Variants in CENPP observed in about 807,000 individuals in gnomAD.
CENPP encodes the protein centromere protein P.
Under a neutral mutation model 35.6 loss-of-function variants are expected in CENPP, and 24 were observed. That is an observed-to-expected ratio of 0.67 (90% CI 0.49 to 0.95). The LOEUF (loss-of-function observed/expected upper bound fraction) is 0.95, where lower values mean the gene tolerates loss of function less well. CENPP is among the 40% of genes least tolerant of loss of function. CENPP has a pLI of 0.00. For synonymous variants in CENPP, 120 were observed against 125.5 expected (o/e 0.96, Z 0.29); for missense variants, 332 against 345.3 (o/e 0.96, Z 0.31).
At chr9:92,479,717 A>C (rs1845844714) in intron 5 of CENPP, among the ~76,000 whole-genome samples, 2 of 152,202 alleles carry the variant, frequency 1.3e-5, no homozygotes, top group African/African-American at 4.8e-5. Flanking sequence ...TTTTACAATT[A>C]ATCTAATCTT....
intron 5 of CENPP, among the ~76,000 whole-genome samples, chr9:92,608,383 G>A (rs1164571269): frequency 2.0e-5 from 3 of 152,056 alleles, no homozygotes; most frequent in African/African-American, 2.4e-5. Context: ...GAAAATATAC[G>A]GTACATACCT....
At chr9:92,512,228 G>C in intron 5 of CENPP, 1 of 646,266 alleles carries the variant, frequency 1.5e-6, no homozygotes, top group Non-Finnish European at 2.6e-6. Context: ...AGCTTTGTCT[G>C]GAGGAGAAAG....
intron 5 of CENPP, chr9:92,600,218 A>T (rs1308594525): frequency 8.0e-6 from 10 of 1,242,722 alleles, no homozygotes; most frequent in Non-Finnish European, 1.0e-5. Flanking sequence ...GGTTCCATAC[A>T]AGAACAGAAG....
At chr9:92,395,405 A>G (rs932461767) in intron 5 of CENPP, among the ~76,000 whole-genome samples, 5 of 152,198 alleles carry the variant, frequency 3.3e-5, no homozygotes, top group African/African-American at 1.2e-4. Context: ...GTCTCAATAT[A>G]TACAATTTAC....
intron 5 of CENPP, among the ~76,000 whole-genome samples, chr9:92,525,218 TGAGGCAG>T (rs1848317098): frequency 6.6e-6 from 1 of 151,780 alleles, no homozygotes; most frequent in Non-Finnish European, 1.5e-5. Context: ...CTCAGGAGGC[TGAGGCAG>T]GAGGCTCACT....
chr9:92,370,474 ATTGTTTTTTTG>A (rs144061967), intron 4 of CENPP, among the ~76,000 whole-genome samples: 254 of 151,068 alleles, frequency 1.7e-3, no homozygotes, highest in Admixed American at 3.5e-3. Context: ...TAGACTTTTT[ATTGTTTTTTTG>A]TTGTTTTTTT....
intron 1 of CENPP, among the ~76,000 whole-genome samples, chr9:92,326,342 C>A (rs537819795): frequency 1.3e-5 from 2 of 152,304 alleles, no homozygotes; most frequent in South Asian, 4.1e-4. Context: ...GGATGACTGA[C>A]AAGGAGGAAG....
At chr9:92,341,088 G>GAACC (rs1249297443) in intron 3 of CENPP, among the ~76,000 whole-genome samples, 1 of 152,102 alleles carries the variant, frequency 6.6e-6, no homozygotes, top group East Asian at 1.9e-4. Context: ...GTCTCTTATG[G>GAACC]TTGAGACTGC....
chr9:92,351,787 G>T (rs1467415257), intron 4 of CENPP, among the ~76,000 whole-genome samples: 1 of 151,778 alleles, frequency 6.6e-6, no homozygotes, highest in African/African-American at 2.4e-5. Context: ...ACCATGCCCA[G>T]CTAATTTTTA....
At chr9:92,533,316 A>ATATATATATAT (rs1848936762) in intron 5 of CENPP, among the ~76,000 whole-genome samples, 1 of 97,174 alleles carries the variant, frequency 1.0e-5, no homozygotes, top group African/African-American at 4.2e-5. Context: ...AAAAAAAAAA[A>ATATATATATAT]AAAAAAAAAA....
At chr9:92,549,732 A>G (rs988809190) in intron 5 of CENPP, among the ~76,000 whole-genome samples, 13 of 152,132 alleles carry the variant, frequency 8.5e-5, no homozygotes, top group South Asian at 2.1e-4. Context: ...CGGATTAGAT[A>G]TCATTTTATC....
At chr9:92,574,057 G>A (rs972949815) in intron 5 of CENPP, among the ~76,000 whole-genome samples, 4 of 152,094 alleles carry the variant, frequency 2.6e-5, no homozygotes, top group Non-Finnish European at 4.4e-5. Context: ...CAGGTGAGGC[G>A]ATGCCCCACC....
chr9:92,577,018 G>A (rs1850299337), intron 5 of CENPP, among the ~76,000 whole-genome samples: 1 of 152,094 alleles, frequency 6.6e-6, no homozygotes, highest in Admixed American at 6.5e-5. Flanking sequence ...CTACCAGAAT[G>A]GTGGGTATTA....
At chr9:92,488,139 G>A (rs1184545696) in intron 5 of CENPP, among the ~76,000 whole-genome samples, 1 of 152,092 alleles carries the variant, frequency 6.6e-6, no homozygotes, top group African/African-American at 2.4e-5. Context: ...GGTTTATCAG[G>A]GTGTAACCCA....
chr9:92,565,293 T>TAAAAA (rs3078380), intron 5 of CENPP, among the ~76,000 whole-genome samples: 1,422 of 33,126 alleles, frequency 0.043, 178 homozygotes, highest in East Asian at 0.15. Context: ...GCTGATGAGC[T>TAAAAA]AAAAAAAAAA....
At chr9:92,456,376 G>A (rs1844878993) in intron 5 of CENPP, 1 of 152,368 alleles carries the variant, frequency 6.6e-6, no homozygotes. Flanking sequence ...GTGTTTCTCA[G>A]AGTTATCCAG....
chr9:92,556,483 A>G (rs529662421), intron 5 of CENPP, among the ~76,000 whole-genome samples: 1 of 152,308 alleles, frequency 6.6e-6, no homozygotes, highest in East Asian at 1.9e-4. Context: ...TCTTAGGTCT[A>G]TTAATAATTG....
chr9:92,408,757 C>G (rs1198384934), intron 5 of CENPP, among the ~76,000 whole-genome samples: 1 of 152,204 alleles, frequency 6.6e-6, no homozygotes, highest in South Asian at 2.1e-4. Flanking sequence ...TTGTGATGAC[C>G]AAAAATGTCT....
intron 5 of CENPP, chr9:92,501,082 A>G: frequency 6.3e-7 from 1 of 1,598,992 alleles, no homozygotes; most frequent in South Asian, 1.1e-5. Flanking sequence ...TAAACAGGGT[A>G]GGGACATCAG....
Sources: allele counts gnomAD v4.1 joint callset (sites outside exome capture counted in the v4.1 genomes callset), GRCh38; gene constraint gnomAD v4.1.1; transcripts MANE v1.5; gene names NCBI Gene and HGNC (gene_info 2026-07-23, HGNC 2026-07-21).